Variants in CHP2 observed in about 807,000 individuals in gnomAD.
CHP2 encodes calcineurin like EF-hand protein 2.
Under a neutral mutation model 24.7 loss-of-function variants are expected in CHP2, and 31 were observed. The observed-to-expected ratio is 1.26, with a 90% CI of 0.94 to 1.69. CHP2 has a LOEUF of 1.69. Among genes scored for constraint, CHP2 ranks in the 40% most tolerant of loss-of-function variants. The pLI is 0.00. For missense variants in CHP2, 319 were observed against 261.5 expected (o/e 1.22, Z -1.52); for synonymous variants, 97 against 99.1 (o/e 0.98, Z 0.13).
At chr16:23,755,514 C>T (rs1961208938) in intron 1 of CHP2, 147 bp from the exon 2 acceptor site, 8 of 705,528 alleles carry the variant, frequency 1.1e-5, no homozygotes, top group Admixed American at 6.7e-5. Context: ...CCCTCCGCCC[C>T]GGCCAGCTCA....
chr16:23,756,150 C>G lies in CHP2; in HGVS notation c.309C>G (p.Pro103=). 1 of 1,614,132 alleles carries G rather than the reference C, an allele frequency of 6.2e-7. No individual in the cohort carries two copies. Among genetic ancestry groups the G allele is most frequent in the Non-Finnish European group, 8.5e-7 (1 of 1,180,032 alleles). The change falls in exon 4 of 7, where the codon CCC becomes CCG. Residue 103 remains proline (P), a synonymous_variant. Coordinates refer to ENST00000300113, the MANE Select transcript of CHP2 (RefSeq NM_022097.4). ...VEDEDTETQD[P]KKPEPLNSRR... is the part of the protein sequence containing the mutation. Reference sequence around the variant, plus strand: ...ATGAGGACACAGAAACCCAAGACCCCAAGAAACCTGAACCTCTCAACAGCA... The same window carrying G: ...ATGAGGACACAGAAACCCAAGACCCGAAGAAACCTGAACCTCTCAACAGCA...
intron 1 of CHP2, chr16:23,755,387 C>G (rs974390661): frequency 3.3e-6 from 2 of 597,726 alleles, no homozygotes; most frequent in Non-Finnish European, 5.9e-6. Flanking sequence ...CAGCCCGGCT[C>G]GAAGCTGAAG....
chr16:23,755,878 G>T lies in CHP2; in HGVS notation c.172G>T (p.Ala58Ser), dbSNP rs756989190. 4 of 1,614,090 alleles carry T rather than the reference G, an allele frequency of 2.5e-6. No individual in the cohort carries two copies. The highest frequency in any genetic ancestry group is 2.7e-5 in the African/African-American group (2 of 74,930). The stretch of plus-strand genomic sequence containing the variant: ...GGATCTCCAGCAGATAGGGGCGCTC[G>T]CCGTGAACCCCCTGGGAGACCGAAT... ...RMDLQQIGAL[A>S]VNPLGDRIIE... The change falls in exon 3 of 7, where the codon GCC becomes TCC. Residue 58 changes from alanine (A) to serine (S), a missense_variant. By Grantham distance (99) the Ala-to-Ser change is moderately conservative (BLOSUM62 1). Coordinates refer to ENST00000300113, the MANE Select transcript of CHP2 (RefSeq NM_022097.4).
chr16:23,757,528 A>G lies in CHP2; in HGVS notation c.538-2A>G, dbSNP rs746106293. The G allele has an allele frequency of 1.2e-6, 2 of 1,613,988 alleles. No individual in the cohort carries two copies. The highest frequency in any genetic ancestry group is 1.7e-6 in the Non-Finnish European group (2 of 1,179,926). ...CTTGCCTGCCATTTGTTTTTCCCTCAGTCCTTAGAGAAGATGGACGTTGAG... is the reference window on the plus strand; with the variant it reads ...CTTGCCTGCCATTTGTTTTTCCCTCGGTCCTTAGAGAAGATGGACGTTGAG... On this transcript the variant is annotated splice_acceptor_variant, in intron 6 of 6. Coordinates refer to ENST00000300113, the MANE Select transcript of CHP2 (RefSeq NM_022097.4). LOFTEE classifies it high-confidence loss of function.
At position 23,757,850 on chromosome 16, in the gene CHP2, C is replaced by T. The variant is rs1172406171; in HGVS notation, c.*267C>T. ...TCAAGTGCATTACATTTATTGTGCA[C>T]TTTATTTCTATTATGATTACATTGT... On this transcript the variant is annotated 3_prime_UTR_variant, in exon 7 of 7. Coordinates refer to ENST00000300113, the MANE Select transcript of CHP2 (RefSeq NM_022097.4). 6.0e-6 allele frequency: 3 copies of T among 500,596 alleles called. No individual in the cohort carries two copies. Among genetic ancestry groups the T allele is most frequent in the Non-Finnish European group, 7.2e-6 (2 of 276,768 alleles). 31.0% of individuals were successfully genotyped at this position (500,596 alleles called of 1,614,324 possible).
chr16:23,757,240 C>T lies in CHP2; in HGVS notation c.454C>T (p.Gln152Ter). The change falls in exon 6 of 7, where the codon CAG becomes TAG. Residue 152 changes from glutamine (Q) to a stop codon, truncating the protein, a stop_gained. Coordinates refer to ENST00000300113, the MANE Select transcript of CHP2 (RefSeq NM_022097.4). LOFTEE classifies it high-confidence loss of function. ...GGTTGGGGTACAGGTGACAGAAGAG[C>T]AGCTGGAGAACATCGCTGACCGCAC... is the stretch of plus-strand genomic sequence containing the variant. The part of the protein sequence containing the change: ...LMVGVQVTEE[Q>*]LENIADRTVQ... 6.2e-7 allele frequency: 1 copy of T among 1,614,012 alleles called. No homozygotes were observed. Among genetic ancestry groups the T allele is most frequent in the East Asian group, 2.2e-5 (1 of 44,870 alleles).
In CHP2 at chr16:23,756,105, T is replaced by A. The variant is rs1961220337; in HGVS notation, c.264T>A (p.Ala88=). 2.5e-6 allele frequency: 4 copies of A among 1,613,986 alleles called. No individual in the cohort carries two copies. Among genetic ancestry groups the A allele is most frequent in the African/African-American group, 1.3e-5 (1 of 74,878 alleles). Residue 88 remains alanine (A), a synonymous_variant, in exon 4 of 7, where the codon GCT becomes GCA. Coordinates refer to ENST00000300113, the MANE Select transcript of CHP2 (RefSeq NM_022097.4). The part of the protein sequence containing the change: ...VDFPGFVRVL[A]HFRPVEDEDT... ...TCCCAGGCTTTGTCAGGGTCTTGGC[T>A]CATTTTCGCCCTGTAGAAGATGAGG...
intron 1 of CHP2, 27 bp from the exon 2 acceptor site, chr16:23,755,634 A>G (rs566587051): frequency 6.2e-7 from 1 of 1,605,392 alleles, no homozygotes; most frequent in African/African-American, 1.3e-5. Context: ...AGAGTCACAC[A>G]CCCCCACCCC....
chr16:23,758,816 A>T lies in CHP2; in HGVS notation c.*1233A>T, dbSNP rs979351641. On this transcript the variant is annotated 3_prime_UTR_variant, in exon 7 of 7. Coordinates refer to ENST00000300113, the MANE Select transcript of CHP2 (RefSeq NM_022097.4). ...CAAGAGATGCCCATTACTGTGAGGG[A>T]CCCTTGAAGTCTGGACTCTTAAATG... 1 of 152,138 alleles carries T rather than the reference A, an allele frequency of 6.6e-6. No individual in the cohort carries two copies. The highest frequency in any genetic ancestry group is 2.4e-5 in the African/African-American group (1 of 41,398). The allele number at this position is 152,138 out of a possible 1,614,324, so 9.4% of individuals were successfully genotyped here.
At position 23,757,260 on chromosome 16, in the gene CHP2, C is replaced by T; in HGVS notation, c.474C>T (p.Asp158=). The T allele has an allele frequency of 6.2e-7, 1 of 1,613,980 alleles. No individual in the cohort carries two copies. Among genetic ancestry groups the T allele is most frequent in the South Asian group, 1.1e-5 (1 of 91,072 alleles). Residue 158 remains aspartate (D), a synonymous_variant, in exon 6 of 7, where the codon GAC becomes GAT. Transcript: ENST00000300113. The part of the protein sequence containing the change: ...VTEEQLENIA[D]RTVQEADEDG... ...AAGAGCAGCTGGAGAACATCGCTGA[C>T]CGCACGGTGCAGGAGGCTGATGAAG...
intron 1 of CHP2, 53 bp downstream of exon 1, chr16:23,755,169 C>T: frequency 7.2e-7 from 1 of 1,379,578 alleles, no homozygotes. Context: ...ACCCAGGCGT[C>T]TGGGGCTAGG....
intron 1 of CHP2, 119 bp from the exon 2 acceptor site, chr16:23,755,542 A>C: frequency 1.2e-6 from 1 of 838,544 alleles, no homozygotes; most frequent in Non-Finnish European, 2.0e-6. Flanking sequence ...ATTCCCCGGG[A>C]TGATCGCCCC....
Position 23,756,414 on chromosome 16 carries a change from C to A in CHP2, c.379C>A (p.Arg127Ser), listed in dbSNP as rs769222851. 6.2e-7 allele frequency: 1 copy of A among 1,613,866 alleles called. No homozygotes were observed. The highest frequency in any genetic ancestry group is 1.1e-5 in the South Asian group (1 of 91,064). Reference sequence around the variant, plus strand: ...TGCATTTCAGCTCTATGACCTGGATCGCGATGGGAAGATCTCCAGGCATGA... The same window carrying A: ...TGCATTTCAGCTCTATGACCTGGATAGCGATGGGAAGATCTCCAGGCATGA... ...HYAFQLYDLD[R>S]DGKISRHEML... The change falls in exon 5 of 7, where the codon CGC becomes AGC. Residue 127 changes from arginine to serine, a missense_variant. Coordinates refer to ENST00000300113, the MANE Select transcript of CHP2 (RefSeq NM_022097.4).
chr16:23,755,925 T>C lies in CHP2; in HGVS notation c.219T>C (p.Asp73=). 1 of 1,614,042 alleles carries C rather than the reference T, an allele frequency of 6.2e-7. No individual in the cohort carries two copies. The highest frequency in any genetic ancestry group is 8.5e-7 in the Non-Finnish European group (1 of 1,179,988). The change falls in exon 3 of 7, where the codon GAT becomes GAC. Residue 73 remains aspartate, a splice_region_variant and synonymous_variant. Transcript: ENST00000300113. The stretch of plus-strand genomic sequence containing the variant: ...GAATTATAGAAAGCTTCTTCCCCGA[T>C]GGGTGAGGCTTGCTGGGCGTGGGGA... ...GDRIIESFFP[D]GSQRVDFPGF... is the part of the protein sequence containing the mutation.
intron 5 of CHP2, 147 bp from the exon 6 acceptor site, chr16:23,757,054 A>T: frequency 1.2e-6 from 1 of 830,238 alleles, no homozygotes; most frequent in Non-Finnish European, 1.9e-6. Context: ...AGTAGGGAAA[A>T]TTATTGGGGG....
Position 23,757,276 on chromosome 16 carries a change from G to A in CHP2, c.490G>A (p.Ala164Thr), listed in dbSNP as rs1040486997. ...CATCGCTGACCGCACGGTGCAGGAG[G>A]CTGATGAAGATGGGGATGGGGCTGT... ...ENIADRTVQEADEDGDGAVSF... is the reference protein window; with the variant it reads ...ENIADRTVQETDEDGDGAVSF... The change falls in exon 6 of 7, where the codon GCT becomes ACT. Residue 164 changes from alanine to threonine, a missense_variant. Physicochemically the swap from Ala to Thr is moderately conservative, Grantham distance 58. Coordinates refer to ENST00000300113, the MANE Select transcript of CHP2 (RefSeq NM_022097.4). The A allele has an allele frequency of 1.9e-6, 3 of 1,613,846 alleles. No homozygotes were observed. Among genetic ancestry groups the A allele is most frequent in the Non-Finnish European group, 2.5e-6 (3 of 1,179,938 alleles).
intron 1 of CHP2, 200 bp from the exon 2 acceptor site, chr16:23,755,461 G>T: frequency 3.3e-6 from 2 of 611,106 alleles, no homozygotes; most frequent in East Asian, 5.5e-5. Context: ...GTTGCGAGCC[G>T]CCCGGGTCTT....
intron 2 of CHP2, 32 bp downstream of exon 2, chr16:23,755,765 C>T (rs766102117): frequency 1.9e-6 from 3 of 1,613,272 alleles, no homozygotes; most frequent in Non-Finnish European, 2.5e-6. Context: ...AACTTCTGGC[C>T]TCTGTCTCTC....
At chr16:23,755,328 G>A (rs985697278) in intron 1 of CHP2, 17 of 594,456 alleles carry the variant, frequency 2.9e-5, no homozygotes, top group East Asian at 8.4e-5. Flanking sequence ...GGGAGGATCC[G>A]GGTTCACGGG....
Sources: gnomAD v4.1 joint callset for allele counts on GRCh38, gnomAD v4.1.1 for gene constraint, MANE v1.5 for transcripts, NCBI Gene and HGNC (gene_info 2026-07-23, HGNC 2026-07-21) for gene names.